The following TAB2 variants were observed in gnomAD, a reference collection of about 807,000 sequenced individuals.
TAB2 encodes the protein TGF-beta-activated kinase 1 and MAP3K7-binding protein 2.
TAB2 carries 3 observed loss-of-function variants against 65.0 expected under a neutral mutation model. That is an observed-to-expected ratio of 0.05 (90% CI 0.02 to 0.12). The LOEUF (loss-of-function observed/expected upper bound fraction) is 0.12, where lower values mean the gene tolerates loss of function less well. Among genes scored for constraint, TAB2 ranks in the 10% least tolerant of loss-of-function variants. The probability of loss-of-function intolerance (pLI) is 1.00; values close to 1 mark genes in which losing one functional copy is unlikely to be tolerated. For synonymous variants in TAB2, 298 were observed against 285.1 expected, an observed-to-expected ratio of 1.05 and a Z score of -0.46; for missense variants, 623 against 840.3, an observed-to-expected ratio of 0.74 and a Z score of 3.20.
chr6:149,244,691 C>T (rs578164525), intron 1 of TAB2: 1 of 152,418 alleles, frequency 6.6e-6, no homozygotes, highest in African/African-American at 2.4e-5. Context: ...CGAGACCAGC[C>T]TGGCCAACAT....
At chr6:149,297,815 G>A (rs1055645470) in intron 1 of TAB2, among the ~76,000 whole-genome samples, 2 of 152,076 alleles carry the variant, frequency 1.3e-5, no homozygotes, top group African/African-American at 2.4e-5. Flanking sequence ...TTACAAGTGT[G>A]AGCTACTATG....
intron 1 of TAB2, among the ~76,000 whole-genome samples, chr6:149,250,895 C>A (rs1469238329): frequency 6.6e-6 from 1 of 152,186 alleles, no homozygotes; most frequent in Non-Finnish European, 1.5e-5. Context: ...CATGGACATA[C>A]AGGCCTCTGA....
chr6:149,406,649 A>G (rs1016651992), intron 6 of TAB2, among the ~76,000 whole-genome samples: 5 of 152,192 alleles, frequency 3.3e-5, no homozygotes, highest in Non-Finnish European at 7.4e-5. Context: ...TTGTTACAAG[A>G]ATTTTCACAT....
intron 3 of TAB2, among the ~76,000 whole-genome samples, chr6:149,392,382 T>TC (rs1782018211): frequency 6.6e-6 from 1 of 152,168 alleles, no homozygotes; most frequent in Admixed American, 6.5e-5. Flanking sequence ...CCTCAAATGA[T>TC]CCACCTGCCT....
intron 1 of TAB2, among the ~76,000 whole-genome samples, chr6:149,307,085 G>A (rs563944432): frequency 5.5e-4 from 84 of 152,220 alleles, no homozygotes; most frequent in South Asian, 1.5e-3. Flanking sequence ...CCCAAGATCT[G>A]GGGCTGAGAC....
chr6:149,269,958 T>C (rs557788523), intron 1 of TAB2, among the ~76,000 whole-genome samples: 2 of 152,330 alleles, frequency 1.3e-5, no homozygotes, highest in African/African-American at 4.8e-5. Flanking sequence ...GGTAAATACC[T>C]AGGAAAGAAA....
chr6:149,288,971 C>G (rs1022363858), intron 1 of TAB2, among the ~76,000 whole-genome samples: 7 of 150,674 alleles, frequency 4.6e-5, no homozygotes, highest in African/African-American at 1.7e-4. Context: ...AATTCTCATG[C>G]CTCCACCTCC....
At chr6:149,368,323 A>C (rs1253499526) in intron 1 of TAB2, among the ~76,000 whole-genome samples, 1 of 152,136 alleles carries the variant, frequency 6.6e-6, no homozygotes, top group Non-Finnish European at 1.5e-5. Context: ...CATAAACTAA[A>C]AGTGTATAGT....
At chr6:149,300,658 C>T (rs374254136) in intron 1 of TAB2, among the ~76,000 whole-genome samples, 6 of 152,254 alleles carry the variant, frequency 3.9e-5, no homozygotes, top group Admixed American at 2.0e-4. Flanking sequence ...ATCTTTTACC[C>T]CACCTTCACC....
intron 1 of TAB2, among the ~76,000 whole-genome samples, chr6:149,339,582 C>A (rs1270177997): frequency 3.0e-5 from 1 of 32,918 alleles, no homozygotes; most frequent in African/African-American, 9.5e-5. Context: ...AATAATTAAT[C>A]TTTTTTATTT....
At chr6:149,335,238 C>T (rs1779897655) in intron 1 of TAB2, among the ~76,000 whole-genome samples, 1 of 151,816 alleles carries the variant, frequency 6.6e-6, no homozygotes, top group South Asian at 2.1e-4. Flanking sequence ...TATCTACTAC[C>T]ATCATTACTA....
intron 1 of TAB2, among the ~76,000 whole-genome samples, chr6:149,293,981 T>G (rs1778828830): frequency 6.6e-6 from 1 of 152,008 alleles, no homozygotes; most frequent in Admixed American, 6.6e-5. Flanking sequence ...TGAAAAAAAA[T>G]TAATAGAAGA....
At chr6:149,407,135 A>G (rs1013926266) in intron 6 of TAB2, among the ~76,000 whole-genome samples, 1 of 152,236 alleles carries the variant, frequency 6.6e-6, no homozygotes, top group South Asian at 2.1e-4. Context: ...AGATTAGGGC[A>G]TTTGACACAG....
chr6:149,369,838 A>G (rs1251999139), intron 1 of TAB2, 71 bp from the exon 2 acceptor site: 2 of 653,116 alleles, frequency 3.1e-6, no homozygotes, highest in Non-Finnish European at 5.4e-6. Context: ...TTTTGTACTG[A>G]AATTTTAAAT....
At chr6:149,249,380 C>T (rs189915064) in intron 1 of TAB2, among the ~76,000 whole-genome samples, 203 of 152,236 alleles carry the variant, frequency 1.3e-3, no homozygotes, top group African/African-American at 4.7e-3. Context: ...AGGACCTGCT[C>T]TTAGGGACAT....
chr6:149,379,030 G>A lies in TAB2; in HGVS notation c.1115G>A (p.Ser372Asn). 2 of 1,614,142 alleles carry A rather than the reference G, an allele frequency of 1.2e-6. No homozygotes were observed. The highest frequency in any genetic ancestry group is 1.7e-5 in the Admixed American group (1 of 60,024). ...RNQPTVYIAA[S>N]PPNTDELMSR... is the part of the protein sequence containing the mutation. ...CAGCCCACTGTTTACATAGCTGCCA[G>A]CCCCCCAAATACGGATGAGCTGATG... Residue 372 changes from serine to asparagine, a missense_variant, in exon 3 of 7, where the codon AGC becomes AAC. Physicochemically the swap from Ser to Asn is conservative, Grantham distance 46. Around this residue, in one of 3 missense-constraint regions of TAB2, gnomAD observed 550 missense variants for 665.7 expected, o/e 0.83. Coordinates refer to ENST00000637181, the MANE Select transcript of TAB2 (RefSeq NM_001292034.3).
chr6:149,235,874 A>G lies in TAB2; in HGVS notation c.-121+17098A>G, dbSNP rs540894760. On this transcript the variant is annotated intron_variant, in intron 1 of 1. Transcript: ENST00000606202. ...CCTTCAAGAGGTCCCTTTGACTTCC[A>G]CAGGGGGAGGACACCTAGATTTATT... Among the ~76,000 whole-genome samples the G allele has an allele frequency of 4.6e-5, 7 of 152,330 alleles. No homozygotes were observed. The Middle Eastern group carries it at 0.01, about 222-fold the overall frequency.
Position 149,410,511 on chromosome 6 carries a change from A to G in TAB2, c.*792A>G, listed in dbSNP as rs1782815618. ...CATGTCCCTTTTTAAGCCTTACCTGAGAGGAACAATGCCTTAAAATAAAAA... is the reference window on the plus strand; with the variant it reads ...CATGTCCCTTTTTAAGCCTTACCTGGGAGGAACAATGCCTTAAAATAAAAA... On this transcript the variant is annotated 3_prime_UTR_variant, in exon 7 of 7. Transcript: ENST00000637181. 2 of 152,622 alleles carry G rather than the reference A, an allele frequency of 1.3e-5. No individual in the cohort carries two copies. Among genetic ancestry groups the G allele is most frequent in the South Asian group, 2.1e-4 (1 of 4,828 alleles). 9.5% of individuals were successfully genotyped at this position (152,622 alleles called of 1,614,324 possible).
intron 3 of TAB2, among the ~76,000 whole-genome samples, chr6:149,387,031 A>G (rs142786643): frequency 6.6e-6 from 1 of 151,942 alleles, no homozygotes; most frequent in East Asian, 1.9e-4. Flanking sequence ...ATGATTTGCA[A>G]TTTTCTCCCA....
Sources: gnomAD v4.1 joint callset for allele counts (sites outside exome capture counted in the v4.1 genomes callset) on GRCh38, gnomAD v4.1.1 for gene constraint, gnomAD v4.1.1 regional missense constraint, MANE v1.5 for transcripts, NCBI Gene and HGNC (gene_info 2026-07-23, HGNC 2026-07-21) for gene names.